KCP: variants seen among roughly 807,000 people sequenced by gnomAD.
KCP encodes the protein kielin cysteine rich BMP regulator.
A neutral mutation model predicts 212.7 loss-of-function variants in KCP; 194 were observed. The observed-to-expected ratio is 0.91, with a 90% confidence interval of 0.81 to 1.03. The LOEUF is 1.03. Ranked by LOEUF, KCP falls within the 50% of genes least tolerant of loss-of-function variation. The pLI is 0.00. For synonymous variants in KCP, 833 were observed against 865.3 expected (o/e 0.96, Z 0.65); for missense variants, 2,080 against 2,162.5 (o/e 0.96, Z 0.76).
At position 128,878,637 on chromosome 7, in the gene KCP, T is replaced by A. The variant is rs191095949; in HGVS notation, c.4232A>T (p.Asn1411Ile). 4,750 of 1,551,330 alleles carry A rather than the reference T, an allele frequency of 3.1e-3. 11 individuals are homozygous for A. The highest frequency in any genetic ancestry group is 3.4e-3 in the Non-Finnish European group (3,923 of 1,146,960). The change falls in exon 38 of 40, where the codon AAT becomes ATT. Residue 1411 changes from asparagine (N) to isoleucine (I), a missense_variant. Coordinates refer to ENST00000610776, the MANE Select transcript of KCP (RefSeq NM_001366122.1). ...GRTCGLCGNF[N>I]GFAQDDLQGP... is the part of the protein sequence containing the mutation. ...CTGCAGATCGTCCTGGGCAAAGCCA[T>A]TGAAGTTCCCACAGAGCCCACAAGT... is the stretch of plus-strand genomic sequence containing the variant.
At chr7:128,904,540 A>G (rs1795027610) in intron 5 of KCP, among the ~76,000 whole-genome samples, 1 of 152,260 alleles carries the variant, frequency 6.6e-6, no homozygotes, top group South Asian at 2.1e-4. Flanking sequence ...ATGCCTGGGC[A>G]GTGGCAGTAG....
In KCP at chr7:128,877,167, G is replaced by T. The variant is rs1299738099; in HGVS notation, c.4763C>A (p.Ala1588Glu). 2 of 1,494,048 alleles carry T rather than the reference G, an allele frequency of 1.3e-6. No homozygotes were observed. The highest frequency in any genetic ancestry group is 1.8e-6 in the Non-Finnish European group (2 of 1,122,660). The allele number at this position is 1,494,048 out of a possible 1,614,324, so 92.5% of individuals were successfully genotyped here. The change falls in exon 40 of 40, where the codon GCA becomes GAA. Residue 1588 changes from alanine (A) to glutamate (E), a missense_variant. Ala to Glu is a moderately radical substitution (Grantham distance 107, BLOSUM62 -1). Transcript: ENST00000610776. ...GTGGGCCTCATGCTCCACCAGGCCT[G>T]CAGGGCACTGGCAGCCGGGCACGCA... ...RPCVPGCQCP[A>E]GLVEHEAHCI...
chr7:128,891,022 C>T lies in KCP; in HGVS notation c.2047G>A (p.Gly683Ser), dbSNP rs998979705. The T allele has an allele frequency of 7.4e-6, 10 of 1,345,924 alleles. No homozygotes were observed. The African/African-American group carries it at 1.1e-4, about 15-fold the overall frequency. 83.4% of individuals were successfully genotyped at this position (1,345,924 alleles called of 1,614,324 possible). ...CAGAGGCAGCGGCGGCAGGGATCGC[C>T]GGGCGGGGAGAAGTACTCCTGGTGG... Reference protein sequence around the residue: ...ARHQEYFSPPGDPCRRCLCLD... With the variant: ...ARHQEYFSPPSDPCRRCLCLD... The change falls in exon 20 of 40, where the codon GGC (glycine) becomes AGC (serine). Residue 683 changes from glycine to serine, a missense_variant. Gly to Ser is a moderately conservative substitution (Grantham distance 56, BLOSUM62 0). Coordinates refer to ENST00000610776, the MANE Select transcript of KCP (RefSeq NM_001366122.1).
rs764797153 is a variant in KCP at position 128,885,217 on chromosome 7, C to G, written c.2920G>C (p.Asp974His). 6.4e-7 allele frequency: 1 copy of G among 1,550,612 alleles called. No individual in the cohort carries two copies. The highest frequency in any genetic ancestry group is 2.4e-5 in the East Asian group (1 of 40,904). ...CACACACAGGAGGAGCAGGCACTGTCGGGGGGCACCCATCTACTGCCTTCG... is the reference window on the plus strand; with the variant it reads ...CACACACAGGAGGAGCAGGCACTGTGGGGGGGCACCCATCTACTGCCTTCG... ...HPEGSRWVPP[D>H]SACSSCVCHE... The change falls in exon 27 of 40, where the codon GAC becomes CAC. Residue 974 changes from aspartate (D) to histidine (H), a missense_variant. Transcript: ENST00000610776.
At chr7:128,886,395 A>AG in intron 26 of KCP, 69 bp downstream of exon 26, 1 of 1,219,452 alleles carries the variant, frequency 8.2e-7, no homozygotes, top group Non-Finnish European at 1.1e-6. Context: ...GAGGGGAGGG[A>AG]GGTGGGGTGG....
intron 22 of KCP, 61 bp from the exon 23 acceptor site, chr7:128,887,361 C>T (rs1181999853): frequency 8.1e-7 from 1 of 1,236,576 alleles, no homozygotes; most frequent in East Asian, 2.5e-5. Context: ...CTGTCACACA[C>T]ACACACAGCC....
intron 37 of KCP, 76 bp from the exon 38 acceptor site, chr7:128,878,798 A>C (rs1160206527): frequency 2.1e-6 from 3 of 1,420,726 alleles, no homozygotes; most frequent in African/African-American, 2.8e-5. Context: ...TCATGGCCCC[A>C]GGCACTGTGT....
chr7:128,885,797 G>A (rs1296332310), intron 26 of KCP, among the ~76,000 whole-genome samples: 1 of 152,156 alleles, frequency 6.6e-6, no homozygotes, highest in Non-Finnish European at 1.5e-5. Context: ...GCTAAGAAAG[G>A]CTCAAGTTCA....
At chr7:128,910,092 G>A (rs906992017) in intron 1 of KCP, among the ~76,000 whole-genome samples, 19 of 152,178 alleles carry the variant, frequency 1.2e-4, no homozygotes, top group Admixed American at 1.0e-3. Flanking sequence ...GGACCCCTAG[G>A]TGAAGCTAGG....
intron 37 of KCP, chr7:128,879,060 G>A (rs1405936377): frequency 7.8e-6 from 3 of 386,540 alleles, no homozygotes; most frequent in Non-Finnish European, 1.4e-5. Flanking sequence ...CCTTGCAGAG[G>A]ACAAAGCACA....
chr7:128,892,949 C>G lies in KCP; in HGVS notation c.1340G>C (p.Cys447Ser). 1 of 1,366,030 alleles carries G rather than the reference C, an allele frequency of 7.3e-7. No individual in the cohort carries two copies. The highest frequency in any genetic ancestry group is 1.0e-6 in the Non-Finnish European group (1 of 977,816). 84.6% of individuals were successfully genotyped at this position (1,366,030 alleles called of 1,614,324 possible). The change falls in exon 14 of 40, where the codon TGC becomes TCC. Residue 447 changes from cysteine (C) to serine (S), a missense_variant. Transcript: ENST00000610776. Reference protein sequence around the residue: ...WEPDGRPCTACVCQDGVPKCG... With the variant: ...WEPDGRPCTASVCQDGVPKCG... ...CTTGGGTACCCCATCTTGACAGACG[C>G]AGGCGGTGCAGGGCCGACCATCAGG...
At position 128,881,651 on chromosome 7, in the gene KCP, AG is replaced by A; in HGVS notation, c.3398del (p.Pro1133LeufsTer127). ...SCPLSERHTPPGSCCPVCREC... is the reference protein window; with the variant it reads ...SCPLSERHTPXGSCCPVCREC... Reference sequence around the variant, plus strand: ...CCCGGCATACGGGGCAGCAGCTCCCAGGGGGAGTGTGGCGCTCTGAGAGGGG... The same window carrying A: ...CCCGGCATACGGGGCAGCAGCTCCCAGGGGAGTGTGGCGCTCTGAGAGGGG... On this transcript the variant is annotated frameshift_variant, in exon 31 of 40. Transcript: ENST00000610776. LOFTEE classifies it high-confidence loss of function. The A allele has an allele frequency of 5.3e-6, 8 of 1,511,156 alleles. No individual in the cohort carries two copies. The highest frequency in any genetic ancestry group is 7.0e-6 in the Non-Finnish European group (8 of 1,135,950). The allele number at this position is 1,511,156 out of a possible 1,614,324, so 93.6% of individuals were successfully genotyped here. A position where few individuals can be genotyped will look rare whatever the true frequency, so the allele number is the denominator to read the frequency against.
At chr7:128,880,570 A>G (rs1235967814) in intron 33 of KCP, 42 bp from the exon 34 acceptor site, 8 of 1,368,750 alleles carry the variant, frequency 5.8e-6, no homozygotes, top group Admixed American at 3.1e-5. Flanking sequence ...CTCCTCCCAC[A>G]TGCCCAGAAG....
Position 128,891,722 on chromosome 7 carries a change from G to A in KCP, c.1719C>T (p.His573=). The change falls in exon 17 of 40, where the codon CAC becomes CAT. Residue 573 remains histidine, a synonymous_variant. Coordinates refer to ENST00000610776, the MANE Select transcript of KCP (RefSeq NM_001366122.1). The stretch of plus-strand genomic sequence containing the variant: ...CCCTGGGGCAGGGGCGAGGCTGGCA[G>A]TGGGCATGGCCTTCCTGGCATCGGC... ...QECRCQEGHA[H]CQPRPCPRAP... is the part of the protein sequence containing the mutation. 1 of 1,448,406 alleles carries A rather than the reference G, an allele frequency of 6.9e-7. No individual in the cohort carries two copies. Among genetic ancestry groups the A allele is most frequent in the South Asian group, 1.5e-5 (1 of 67,930 alleles). The allele number at this position is 1,448,406 out of a possible 1,614,324, so 89.7% of individuals were successfully genotyped here.
At position 128,891,630 on chromosome 7, in the gene KCP, G is replaced by T; in HGVS notation, c.1795+16C>A. On this transcript the variant is annotated intron_variant, in intron 17 of 39. Coordinates refer to ENST00000610776, the MANE Select transcript of KCP (RefSeq NM_001366122.1). ...CCATCCCATCCCAGAAGGCCGCCCT[G>T]ACCCGCCCACCTCACCGCTGCAGTC... 2.0e-6 allele frequency: 3 copies of T among 1,484,076 alleles called. No individual in the cohort carries two copies. The highest frequency in any genetic ancestry group is 2.7e-6 in the Non-Finnish European group (3 of 1,114,352). 91.9% of individuals were successfully genotyped at this position (1,484,076 alleles called of 1,614,324 possible).
At chr7:128,908,251 G>GAAGAAAGGAAGA (rs1795242134) in intron 2 of KCP, among the ~76,000 whole-genome samples, 175 bp downstream of exon 2, 1 of 101,212 alleles carries the variant, frequency 9.9e-6, no homozygotes, top group Admixed American at 1.0e-4. Context: ...AAGAAAGAAA[G>GAAGAAAGGAAGA]AAGAAAGAAA....
chr7:128,907,119 G>A lies in KCP; in HGVS notation c.468C>T (p.Cys156=), dbSNP rs956676266. 5 of 1,551,444 alleles carry A rather than the reference G, an allele frequency of 3.2e-6. No homozygotes were observed. Among genetic ancestry groups the A allele is most frequent in the Middle Eastern group, 1.7e-4 (1 of 5,874 alleles). Residue 156 remains cysteine, a synonymous_variant, in exon 4 of 40, where the codon TGC becomes TGT. Coordinates refer to ENST00000610776, the MANE Select transcript of KCP (RefSeq NM_001366122.1). ...GNGETFSPDA[C]TTCRCLEGTI... is the part of the protein sequence containing the mutation. Reference sequence around the variant, plus strand: ...AGCTTACCAGACAGCGGCAGGTGGTGCAGGCATCTGGGGAGAAGGTCTCCC... The same window carrying A: ...AGCTTACCAGACAGCGGCAGGTGGTACAGGCATCTGGGGAGAAGGTCTCCC...
rs1156362738 is a variant in KCP, at chr7:128,890,633, G to C, written c.2165-120C>G. ...GTGGGGGCCGTGGGGGCTGGAGGTC[G>C]TGGGGGCTGGGGGTCCGTGAGGGCG... is the stretch of plus-strand genomic sequence containing the variant. On this transcript the variant is annotated intron_variant, in intron 20 of 39. Coordinates refer to ENST00000610776, the MANE Select transcript of KCP (RefSeq NM_001366122.1). 10 of 756,706 alleles carry C rather than the reference G, an allele frequency of 1.3e-5. No individual in the cohort carries two copies. The East Asian group carries it at 2.8e-4, about 21-fold the overall frequency. The allele number at this position is 756,706 out of a possible 1,614,324, so 46.9% of individuals were successfully genotyped here.
In KCP at chr7:128,886,887, G is replaced by A. The variant is rs1452320032; in HGVS notation, c.2678C>T (p.Pro893Leu). The change falls in exon 24 of 40, where the codon CCT (proline) becomes CTT (leucine). Residue 893 changes from proline to leucine, a missense_variant. Transcript: ENST00000610776. Reference sequence around the variant, plus strand: ...GGAAGGCAGCTCACTGTGGCAAACAGGGCAGAAGCAGGGGCCTGGAGAGGG... The same window carrying A: ...GGAAGGCAGCTCACTGTGGCAAACAAGGCAGAAGCAGGGGCCTGGAGAGGG... ...PHPSPGPCFC[P>L]VCHSCLSQGR... 6.5e-7 allele frequency: 1 copy of A among 1,528,964 alleles called. No homozygotes were observed. Among genetic ancestry groups the A allele is most frequent in the Non-Finnish European group, 8.8e-7 (1 of 1,132,128 alleles). The allele number at this position is 1,528,964 out of a possible 1,614,324, so 94.7% of individuals were successfully genotyped here. A position where few individuals can be genotyped will look rare whatever the true frequency, so the allele number is the denominator to read the frequency against.
Sources: gnomAD v4.1 joint callset for allele counts (sites outside exome capture counted in the v4.1 genomes callset) on GRCh38, gnomAD v4.1.1 for gene constraint, MANE v1.5 for transcripts, NCBI Gene and HGNC (gene_info 2026-07-23, HGNC 2026-07-21) for gene names.